The following CGNL1 variants were observed in gnomAD, a reference collection of about 807,000 sequenced individuals.
The protein encoded by CGNL1 is cingulin like 1.
In CGNL1, 132 loss-of-function variants were observed where a neutral mutation model predicts 141.2. The observed-to-expected ratio is 0.93, with a 90% CI of 0.81 to 1.08. The LOEUF is 1.08. Among genes scored for constraint, CGNL1 ranks in the 50% least tolerant of loss-of-function variants. The probability of loss-of-function intolerance (pLI) is 0.00; values close to 1 mark genes in which losing one functional copy is unlikely to be tolerated. For missense variants in CGNL1, 1,870 were observed against 1,588.6 expected (o/e 1.18, Z -3.01); for synonymous variants, 690 against 622.1 (o/e 1.11, Z -1.63).
chr15:57,387,724 T>A lies in CGNL1; in HGVS notation c.-16+11157T>A, dbSNP rs77751665. On this transcript the variant is annotated intron_variant, in intron 1 of 18. Transcript: ENST00000281282. ...AAGTCGTTTAATAAAAACCTCCCCC[T>A]GTTTTAAAGCATTCTTGGGAAGTGT... Among the ~76,000 whole-genome samples the A allele has an allele frequency of 9.7e-3, 1,484 of 152,318 alleles. 18 individuals are homozygous for A. The highest frequency in any genetic ancestry group is 0.012 in the Non-Finnish European group (802 of 68,026).
chr15:57,403,936 T>C (rs117896573), intron 1 of CGNL1, among the ~76,000 whole-genome samples: 44 of 152,256 alleles, frequency 2.9e-4, no homozygotes, highest in Non-Finnish European at 4.3e-4. Flanking sequence ...AAGCCTTCCA[T>C]AGAGGAAAGG....
Position 57,442,182 on chromosome 15 carries a change from G to GAAAAA in CGNL1, c.1698-174_1698-170dup, listed in dbSNP as rs61564944. On this transcript the variant is annotated intron_variant, in intron 3 of 18. Transcript: ENST00000281282. ...TTGAGTGGTAACACATCATTTATTT[G>GAAAAA]AAAAAAAAAAAAAAAAAAAAAGACA... Among the ~76,000 whole-genome samples the GAAAAA allele has an allele frequency of 5.2e-4, 50 of 96,504 alleles. 3 individuals are homozygous for GAAAAA. The highest frequency in any genetic ancestry group is 5.5e-3 in the Middle Eastern group (1 of 182). The allele number at this position is 96,504 out of a possible 152,430, so 63.3% of individuals were successfully genotyped here.
chr15:57,457,345 C>G (rs1806816284), intron 7 of CGNL1, among the ~76,000 whole-genome samples: 4 of 152,208 alleles, frequency 2.6e-5, no homozygotes, highest in Admixed American at 2.6e-4. Context: ...CCACTTGCTG[C>G]TGCTGCAGAA....
intron 1 of CGNL1, among the ~76,000 whole-genome samples, chr15:57,395,261 A>G (rs2062590116): frequency 6.6e-6 from 1 of 152,028 alleles, no homozygotes; most frequent in Non-Finnish European, 1.5e-5. Context: ...TCCTTAGGGA[A>G]GAAAGATGAG....
At chr15:57,483,230 T>C (rs2063748092) in intron 8 of CGNL1, among the ~76,000 whole-genome samples, 1 of 152,368 alleles carries the variant, frequency 6.6e-6, no homozygotes, top group African/African-American at 2.4e-5. Flanking sequence ...AGATGTTCAC[T>C]GCTTTCATCA....
chr15:57,502,602 G>C (rs528036335), intron 8 of CGNL1, among the ~76,000 whole-genome samples: 84 of 152,292 alleles, frequency 5.5e-4, no homozygotes, highest in Non-Finnish European at 1.0e-3. Context: ...ACCTTTATCT[G>C]CCATGCAGAT....
chr15:57,546,290 G>A, intron 18 of CGNL1, 51 bp downstream of exon 18: 1 of 1,503,864 alleles, frequency 6.6e-7, no homozygotes, highest in Non-Finnish European at 8.9e-7. Flanking sequence ...CCACAGTTGA[G>A]ACAGGCTCTG....
chr15:57,411,472 C>T (rs1232083354), intron 1 of CGNL1, among the ~76,000 whole-genome samples: 1 of 150,648 alleles, frequency 6.6e-6, no homozygotes, highest in Non-Finnish European at 1.5e-5. Flanking sequence ...GAGACAGAGC[C>T]TTGCTCTGTC....
chr15:57,537,285 C>T (rs533523732), intron 14 of CGNL1, among the ~76,000 whole-genome samples: 123 of 152,274 alleles, frequency 8.1e-4, no homozygotes, highest in South Asian at 4.4e-3. Context: ...CTTGTTGCCT[C>T]GGCAACTGCA....
chr15:57,498,424 CA>C (rs1457090000), intron 8 of CGNL1, among the ~76,000 whole-genome samples: 60 of 151,984 alleles, frequency 3.9e-4, no homozygotes, highest in Non-Finnish European at 4.0e-4. Flanking sequence ...AGGCTGGTCT[CA>C]AACCCCTGGG....
intron 8 of CGNL1, among the ~76,000 whole-genome samples, chr15:57,489,424 G>A (rs1351480699): frequency 1.3e-5 from 2 of 152,084 alleles, no homozygotes; most frequent in Non-Finnish European, 2.9e-5. Flanking sequence ...AAATTTGAAT[G>A]GTAGGGGTAA....
chr15:57,467,647 A>G (rs1055714462), intron 8 of CGNL1, among the ~76,000 whole-genome samples: 4 of 151,786 alleles, frequency 2.6e-5, no homozygotes, highest in Non-Finnish European at 2.9e-5. Context: ...ACAATTTTTA[A>G]GGGGTGATAA....
chr15:57,532,547 TAACACGAGCATAACTCTCC>T (rs1567173994), intron 14 of CGNL1, among the ~76,000 whole-genome samples: 5 of 152,342 alleles, frequency 3.3e-5, no homozygotes, highest in African/African-American at 9.6e-5. Flanking sequence ...CCGTCATCTA[TAACACGAGCATAACTCTCC>T]CCGATTGTCT....
intron 8 of CGNL1, among the ~76,000 whole-genome samples, chr15:57,466,883 A>T (rs1452386423): frequency 6.6e-6 from 1 of 152,182 alleles, no homozygotes; most frequent in African/African-American, 2.4e-5. Context: ...GATGCTGATA[A>T]AACAGCCACT....
At chr15:57,513,146 C>T (rs1212750731) in intron 8 of CGNL1, among the ~76,000 whole-genome samples, 3 of 152,062 alleles carry the variant, frequency 2.0e-5, no homozygotes, top group Non-Finnish European at 4.4e-5. Context: ...CTGGCCCCTT[C>T]CCCATATCCC....
At chr15:57,458,949 A>C (rs1171630567) in intron 7 of CGNL1, among the ~76,000 whole-genome samples, 1 of 152,154 alleles carries the variant, frequency 6.6e-6, no homozygotes, top group Non-Finnish European at 1.5e-5. Context: ...ATGCAGCCCC[A>C]CCCTGGGATT....
At chr15:57,477,378 C>A (rs1015952108) in intron 8 of CGNL1, 2 of 152,176 alleles carry the variant, frequency 1.3e-5, no homozygotes, top group Non-Finnish European at 2.9e-5. Flanking sequence ...TAGATGCTAG[C>A]AAACTTCGTT....
chr15:57,455,201 A>G lies in CGNL1; in HGVS notation c.2190+1383A>G, dbSNP rs144088182. On this transcript the variant is annotated intron_variant, in intron 7 of 18. Transcript: ENST00000281282. The stretch of plus-strand genomic sequence containing the variant: ...TCCCTTTTTTGTAATTTTGAAACAA[A>G]GATTGTGGGGAACATTTTTTACATT... Among the ~76,000 whole-genome samples, 619 of 152,310 alleles carry G rather than the reference A, an allele frequency of 4.1e-3. 1 individual carries two copies. The highest frequency in any genetic ancestry group is 0.015 in the African/African-American group (604 of 41,566).
rs1323577657 is a variant in CGNL1 at position 57,439,006 on chromosome 15, C to T, written c.1007C>T (p.Pro336Leu). 4 of 1,614,056 alleles carry T rather than the reference C, an allele frequency of 2.5e-6. No individual in the cohort carries two copies. Among genetic ancestry groups the T allele is most frequent in the Non-Finnish European group, 3.4e-6 (4 of 1,180,042 alleles). The change falls in exon 2 of 19, where the codon CCC (proline) becomes CTC (leucine). Residue 336 changes from proline to leucine, a missense_variant. By Grantham distance (98) the Pro-to-Leu change is moderately conservative. Coordinates refer to ENST00000281282, the MANE Select transcript of CGNL1 (RefSeq NM_032866.5). ...VNRHENRRYI[P>L]FLPGTGRDID... ...CGTCATGAAAACAGAAGGTATATTC[C>T]CTTCCTGCCAGGAACTGGACGGGAT...
Sources: allele counts gnomAD v4.1 joint callset (sites outside exome capture counted in the v4.1 genomes callset), GRCh38; gene constraint gnomAD v4.1.1; transcripts MANE v1.5; gene names NCBI Gene and HGNC (gene_info 2026-07-23, HGNC 2026-07-21).